IGF2R: variants seen among roughly 807,000 people sequenced by gnomAD.
The protein encoded by IGF2R is insulin like growth factor 2 receptor, also known as cation-independent mannose-6-phosphate receptor.
IGF2R carries 91 observed loss-of-function variants against 270.6 expected under a neutral mutation model. The ratio of observed to expected loss-of-function variants is 0.34; its 90% CI spans 0.28 to 0.40. IGF2R has a LOEUF of 0.40. IGF2R is among the 10% of genes least tolerant of loss of function. The pLI, the probability that IGF2R is intolerant of heterozygous loss-of-function variation, is 1.00. For missense variants in IGF2R, 2,805 were observed against 3,188.3 expected, an observed-to-expected ratio of 0.88 and a Z score of 2.90; for synonymous variants, 1,316 against 1,258.9, an observed-to-expected ratio of 1.05 and a Z score of -0.96.
At chr6:160,094,152 A>G in intron 44 of IGF2R, 1 of 407,456 alleles carries the variant, frequency 2.5e-6, no homozygotes, top group Non-Finnish European at 4.7e-6. Flanking sequence ...TGTCAACACA[A>G]ACCTGCTTTT....
chr6:160,079,507 A>G (rs8191903), intron 37 of IGF2R, 73 bp from the exon 38 acceptor site: 159 of 1,077,798 alleles, frequency 1.5e-4, no homozygotes, highest in Non-Finnish European at 1.8e-4. Context: ...ATCAGCTGCA[A>G]TAGTGGTTCT....
chr6:160,072,839 T>C lies in IGF2R; in HGVS notation c.4645T>C (p.Tyr1549His). The C allele has an allele frequency of 1.2e-6, 2 of 1,614,188 alleles. No homozygotes were observed. The highest frequency in any genetic ancestry group is 1.7e-6 in the Non-Finnish European group (2 of 1,180,022). ...TAAYSEKGLV[Y>H]MSICGENENC... ...TGCTTACAGCGAGAAGGGGTTGGTT[T>C]ACATGAGCATCTGTGGGGAGAATGA... The change falls in exon 33 of 48, where the codon TAC becomes CAC. Residue 1549 changes from tyrosine to histidine, a missense_variant. Physicochemically the swap from Tyr to His is moderately conservative, Grantham distance 83. This residue lies in a region of IGF2R where 1,851 missense variants were observed against 2,207.2 expected (regional missense o/e 0.84). Coordinates refer to ENST00000356956, the MANE Select transcript of IGF2R (RefSeq NM_000876.4).
chr6:160,086,558 A>C (rs1357680391), intron 41 of IGF2R, among the ~76,000 whole-genome samples: 1 of 152,028 alleles, frequency 6.6e-6, no homozygotes, highest in Non-Finnish European at 1.5e-5. Context: ...GAGGAGGTTG[A>C]GCCTCCTGCC....
chr6:160,011,742 C>G (rs1784338913), intron 4 of IGF2R, among the ~76,000 whole-genome samples: 1 of 152,096 alleles, frequency 6.6e-6, no homozygotes, highest in South Asian at 2.1e-4. Context: ...ACTTGATTCT[C>G]CCTGGTCCTG....
chr6:160,095,705 G>A (rs1179050825), intron 44 of IGF2R: 1 of 152,338 alleles, frequency 6.6e-6, no homozygotes, highest in Non-Finnish European at 1.5e-5. Flanking sequence ...GCCAAAGTCA[G>A]CTTAGTTTAG....
chr6:159,976,745 TA>T (rs1241851321), intron 1 of IGF2R, among the ~76,000 whole-genome samples: 3 of 152,234 alleles, frequency 2.0e-5, no homozygotes, highest in Non-Finnish European at 4.4e-5. Context: ...TTTAGATTTT[TA>T]TTTTTTTCAG....
intron 1 of IGF2R, among the ~76,000 whole-genome samples, chr6:159,970,189 G>T (rs958172989): frequency 1.3e-5 from 2 of 152,160 alleles, no homozygotes; most frequent in African/African-American, 2.4e-5. Context: ...ACTGCTAGCA[G>T]TCCAGGGCCT....
At chr6:160,089,694 A>G (rs1779175828) in intron 43 of IGF2R, among the ~76,000 whole-genome samples, 2 of 152,248 alleles carry the variant, frequency 1.3e-5, no homozygotes, top group African/African-American at 2.4e-5. Context: ...ATTAGCACTC[A>G]GAGGCCAGAA....
intron 36 of IGF2R, among the ~76,000 whole-genome samples, chr6:160,076,920 T>C (rs1486549389): frequency 6.6e-6 from 1 of 152,114 alleles, no homozygotes; most frequent in African/African-American, 2.4e-5. Flanking sequence ...GGAGTTCAGG[T>C]GATGGATTAG....
chr6:160,087,963 C>A, intron 41 of IGF2R, 70 bp from the exon 42 acceptor site: 2 of 941,416 alleles, frequency 2.1e-6, no homozygotes, highest in Non-Finnish European at 3.5e-6. Flanking sequence ...AGGTGTGAGC[C>A]ACTGCGCCTG....
intron 2 of IGF2R, among the ~76,000 whole-genome samples, chr6:159,993,118 T>C (rs1382925790): frequency 6.6e-6 from 1 of 152,224 alleles, no homozygotes; most frequent in African/African-American, 2.4e-5. Context: ...TCTTTTTGAA[T>C]TGTTTGAGTT....
In IGF2R at chr6:160,107,052, G is replaced by A. The variant is rs1779637162; in HGVS notation, c.*1968G>A. On this transcript the variant is annotated 3_prime_UTR_variant, in exon 48 of 48. Transcript: ENST00000356956. ...TCCATCCCTTTTTTTTTCCTGTAGAGTCCAAAAACCTCAACCGTCTCATTT... is the reference window on the plus strand; with the variant it reads ...TCCATCCCTTTTTTTTTCCTGTAGAATCCAAAAACCTCAACCGTCTCATTT... The A allele has an allele frequency of 6.6e-6, 1 of 151,916 alleles. No individual in the cohort carries two copies. Among genetic ancestry groups the A allele is most frequent in the Non-Finnish European group, 1.5e-5 (1 of 67,984 alleles). 9.4% of individuals were successfully genotyped at this position (151,916 alleles called of 1,614,324 possible).
intron 12 of IGF2R, among the ~76,000 whole-genome samples, chr6:160,044,223 T>C (rs1204026914): frequency 6.6e-6 from 1 of 152,242 alleles, no homozygotes. Flanking sequence ...ATTTGGTCTT[T>C]CTTGCCCTGG....
intron 29 of IGF2R, among the ~76,000 whole-genome samples, chr6:160,066,781 T>G (rs1489854456): frequency 2.0e-5 from 3 of 152,188 alleles, no homozygotes; most frequent in Non-Finnish European, 4.4e-5. Flanking sequence ...TGCCTTGGCT[T>G]TGTTAGTTCT....
intron 39 of IGF2R, among the ~76,000 whole-genome samples, chr6:160,082,604 C>G (rs146346255): frequency 4.0e-5 from 6 of 150,976 alleles, no homozygotes; most frequent in African/African-American, 1.2e-4. Context: ...GCCACCGCGC[C>G]CAGCTATCTT....
chr6:160,028,498 C>T (rs8191757), intron 6 of IGF2R, among the ~76,000 whole-genome samples: 8 of 152,260 alleles, frequency 5.3e-5, no homozygotes, highest in Admixed American at 2.0e-4. Context: ...GTTTGTGTGA[C>T]GATTTAGTAA....
chr6:160,045,984 AT>A, intron 14 of IGF2R, 102 bp downstream of exon 14: 1 of 1,040,782 alleles, frequency 9.6e-7, no homozygotes, highest in Non-Finnish European at 1.3e-6. Flanking sequence ...CCGCCTTAGA[AT>A]TTTATTCATG....
intron 2 of IGF2R, among the ~76,000 whole-genome samples, chr6:160,008,722 AG>A (rs1408194410): frequency 5.9e-5 from 9 of 152,088 alleles, no homozygotes; most frequent in Non-Finnish European, 1.0e-4. Flanking sequence ...GAGCGCAGGT[AG>A]TGGTTTTAGC....
chr6:160,039,485 G>A (rs1038424527), intron 10 of IGF2R, among the ~76,000 whole-genome samples: 7 of 152,194 alleles, frequency 4.6e-5, no homozygotes, highest in Non-Finnish European at 8.8e-5. Context: ...TCAGTGCCTG[G>A]CTGAGATTGT....
Sources: gnomAD v4.1 joint callset for allele counts (sites outside exome capture counted in the v4.1 genomes callset) on GRCh38, gnomAD v4.1.1 for gene constraint, gnomAD v4.1.1 regional missense constraint, MANE v1.5 for transcripts, NCBI Gene and HGNC (gene_info 2026-07-23, HGNC 2026-07-21) for gene names.